SLC10A7: variants seen among roughly 807,000 people sequenced by gnomAD.
SLC10A7 encodes solute carrier family 10 member 7.
SLC10A7 carries 29 observed loss-of-function variants against 43.2 expected under a neutral mutation model. That is an observed-to-expected ratio of 0.67 (90% CI 0.50 to 0.92). SLC10A7 has a LOEUF of 0.92. Ranked by LOEUF, SLC10A7 falls within the 40% of genes least tolerant of loss-of-function variation. The pLI is 0.00. For synonymous variants in SLC10A7, 152 were observed against 144.8 expected (o/e 1.05, Z -0.35); for missense variants, 295 against 403.2 (o/e 0.73, Z 2.30).
intron 5 of SLC10A7, among the ~76,000 whole-genome samples, chr4:146,392,320 T>C (rs1267284428): frequency 1.3e-5 from 2 of 152,208 alleles, no homozygotes; most frequent in Non-Finnish European, 2.9e-5. Flanking sequence ...ATATTCTATC[T>C]CCCTTATCTC....
intron 5 of SLC10A7, among the ~76,000 whole-genome samples, chr4:146,361,630 C>T (rs368834728): frequency 6.6e-6 from 1 of 152,228 alleles, no homozygotes; most frequent in East Asian, 1.9e-4. Context: ...CAAACAGGTC[C>T]AGACTGTGAA....
intron 5 of SLC10A7, among the ~76,000 whole-genome samples, chr4:146,346,382 T>G (rs1387573440): frequency 6.6e-6 from 1 of 152,152 alleles, no homozygotes; most frequent in East Asian, 1.9e-4. Context: ...TCTGAAGGTA[T>G]GAGGGCAGCC....
intron 5 of SLC10A7, among the ~76,000 whole-genome samples, chr4:146,338,810 A>C (rs1254493827): frequency 6.6e-6 from 1 of 152,040 alleles, no homozygotes; most frequent in East Asian, 1.9e-4. Flanking sequence ...CCATACATAT[A>C]AAGCAACAAA....
chr4:146,350,151 G>T (rs1216551060), intron 5 of SLC10A7, among the ~76,000 whole-genome samples: 23 of 148,176 alleles, frequency 1.6e-4, no homozygotes, highest in African/African-American at 4.7e-4. Flanking sequence ...GTGCCAGACA[G>T]TGGGCGCAGG....
At chr4:146,496,623 T>C (rs1387939551) in intron 4 of SLC10A7, among the ~76,000 whole-genome samples, 1 of 152,186 alleles carries the variant, frequency 6.6e-6, no homozygotes, top group African/African-American at 2.4e-5. Flanking sequence ...GTGCCCCAGT[T>C]TATTACCATT....
chr4:146,466,921 CA>C (rs1733083718), intron 4 of SLC10A7, among the ~76,000 whole-genome samples: 1 of 152,130 alleles, frequency 6.6e-6, no homozygotes, highest in Non-Finnish European at 1.5e-5. Context: ...CACCTATTTT[CA>C]ATGTTAAGAT....
rs189095643 is a variant in SLC10A7 at position 146,293,036 on chromosome 4, T to C, written c.722-56A>G. 7.7e-4 allele frequency: 841 copies of C among 1,095,250 alleles called. 3 individuals carry two copies. Among genetic ancestry groups the C allele is most frequent in the Non-Finnish European group, 1.0e-3 (783 of 746,736 alleles). The allele number at this position is 1,095,250 out of a possible 1,614,324, so 67.8% of individuals were successfully genotyped here. A position where few individuals can be genotyped will look rare whatever the true frequency, so the allele number is the denominator to read the frequency against. On this transcript the variant is annotated intron_variant, in intron 8 of 11. Transcript: ENST00000335472. ...CACTCTAAAAGCAGTATTTGTAGCA[T>C]ACTTATTGGTATACTTGTTTTATCT...
chr4:146,504,934 CAT>C (rs1411236301), intron 3 of SLC10A7, among the ~76,000 whole-genome samples: 12 of 152,136 alleles, frequency 7.9e-5, no homozygotes, highest in African/African-American at 2.9e-4. Context: ...AAATAAATTG[CAT>C]AACAAGCAAA....
intron 6 of SLC10A7, among the ~76,000 whole-genome samples, chr4:146,322,534 C>T (rs1277508266): frequency 6.6e-6 from 1 of 151,962 alleles, no homozygotes; most frequent in Non-Finnish European, 1.5e-5. Flanking sequence ...CCATGTCCCC[C>T]TACAAAGGAC....
intron 10 of SLC10A7, among the ~76,000 whole-genome samples, chr4:146,260,691 C>T (rs1004427381): frequency 6.6e-6 from 1 of 152,172 alleles, no homozygotes; most frequent in Non-Finnish European, 1.5e-5. Context: ...CTCTAAACTG[C>T]GACTCAGGCA....
chr4:146,459,569 T>C (rs1323912303), intron 4 of SLC10A7, among the ~76,000 whole-genome samples: 1 of 151,142 alleles, frequency 6.6e-6, no homozygotes. Context: ...TAATTCAATG[T>C]GGAAAGAATA....
At chr4:146,434,941 CTG>C (rs1328986037) in intron 5 of SLC10A7, among the ~76,000 whole-genome samples, 10 of 152,076 alleles carry the variant, frequency 6.6e-5, no homozygotes, top group African/African-American at 2.4e-4. Flanking sequence ...ATTAGGATGT[CTG>C]TGGAATCACA....
At chr4:146,397,997 C>T (rs1738956356) in intron 5 of SLC10A7, among the ~76,000 whole-genome samples, 1 of 152,104 alleles carries the variant, frequency 6.6e-6, no homozygotes, top group East Asian at 1.9e-4. Flanking sequence ...TCAGGCAGCC[C>T]AGGTATATAT....
intron 10 of SLC10A7, 41 bp downstream of exon 10, chr4:146,283,151 A>G: frequency 6.9e-7 from 1 of 1,449,874 alleles, no homozygotes. Context: ...ATGTAACTAT[A>G]TGAGGGTAAT....
At chr4:146,335,749 T>A (rs1733854208) in intron 5 of SLC10A7, among the ~76,000 whole-genome samples, 1 of 152,050 alleles carries the variant, frequency 6.6e-6, no homozygotes, top group Non-Finnish European at 1.5e-5. Context: ...AAAACTTCTC[T>A]CCAAGGTGAC....
chr4:146,322,699 T>C (rs542482237), intron 6 of SLC10A7, among the ~76,000 whole-genome samples: 26 of 152,302 alleles, frequency 1.7e-4, no homozygotes, highest in African/African-American at 6.0e-4. Flanking sequence ...CATGTGTCTT[T>C]ATAGCAGCAT....
intron 5 of SLC10A7, among the ~76,000 whole-genome samples, chr4:146,355,393 G>T (rs1394834252): frequency 6.6e-6 from 1 of 152,150 alleles, no homozygotes; most frequent in Non-Finnish European, 1.5e-5. Context: ...GAAACAACAG[G>T]TACTGGAGAG....
intron 5 of SLC10A7, among the ~76,000 whole-genome samples, chr4:146,425,201 T>G (rs577974470): frequency 6.6e-6 from 1 of 152,304 alleles, no homozygotes; most frequent in Admixed American, 6.5e-5. Context: ...GTTGGACTGT[T>G]ACCTGAAAGA....
intron 4 of SLC10A7, among the ~76,000 whole-genome samples, chr4:146,451,240 A>C (rs572397082): frequency 3.8e-4 from 57 of 148,208 alleles, no homozygotes; most frequent in African/African-American, 1.4e-3. Flanking sequence ...CCAAAAAAAA[A>C]AAAAAAAAAA....
Sources: gnomAD v4.1 joint callset for allele counts (sites outside exome capture counted in the v4.1 genomes callset) on GRCh38, gnomAD v4.1.1 for gene constraint, MANE v1.5 for transcripts, NCBI Gene and HGNC (gene_info 2026-07-23, HGNC 2026-07-21) for gene names.